The following ANK3 variants were observed in gnomAD, a reference collection of about 807,000 sequenced individuals.
The protein encoded by ANK3 is ankyrin-3.
Under a neutral mutation model 370.9 loss-of-function variants are expected in ANK3, and 57 were observed. That is an observed-to-expected ratio of 0.15 (90% CI 0.12 to 0.19). The LOEUF (loss-of-function observed/expected upper bound fraction) is 0.19, where lower values mean the gene tolerates loss of function less well. ANK3 is among the 10% of genes least tolerant of loss of function. The pLI, the probability that ANK3 is intolerant of heterozygous loss-of-function variation, is 1.00. For synonymous variants in ANK3, 1,929 were observed against 1,946.3 expected (o/e 0.99, Z 0.23); for missense variants, 4,439 against 5,302.1 (o/e 0.84, Z 5.06).
chr10:60,208,826 C>A (rs184954741), intron 9 of ANK3, among the ~76,000 whole-genome samples: 2 of 152,312 alleles, frequency 1.3e-5, no homozygotes, highest in African/African-American at 4.8e-5. Flanking sequence ...CATCTCACAT[C>A]AAAGAAGAAA....
At chr10:60,198,276 C>A in intron 14 of ANK3, 64 bp downstream of exon 14, 4 of 1,531,922 alleles carry the variant, frequency 2.6e-6, no homozygotes, top group Non-Finnish European at 3.6e-6. Context: ...TGTTACTATG[C>A]GGGGAAACGT....
In ANK3 at chr10:60,084,706, C is replaced by T. The variant is rs755265993; in HGVS notation, c.3970G>A (p.Val1324Ile). Residue 1324 changes from valine to isoleucine, a missense_variant, in exon 32 of 44, where the codon GTA becomes ATA. Physicochemically the swap from Val to Ile is conservative, Grantham distance 29 (BLOSUM62 3). Around this residue, in one of 13 missense-constraint regions of ANK3, gnomAD observed 702 missense variants for 941.5 expected, o/e 0.75. Transcript: ENST00000280772. ...CAGAAACATCGCAAGGAAGATTCTA[C>T]GGGATCATTCATTTTGGCAAAAACA... ...FVVFAKMNDPVESSLRCFCMT... is the reference protein window; with the variant it reads ...FVVFAKMNDPIESSLRCFCMT... 20 of 1,613,628 alleles carry T rather than the reference C, an allele frequency of 1.2e-5. No individual in the cohort carries two copies. Among genetic ancestry groups the T allele is most frequent in the African/African-American group, 1.1e-4 (8 of 74,900 alleles).
chr10:60,681,671 G>A lies in ANK3; in HGVS notation c.57+51592C>T, dbSNP rs192642294. On this transcript the variant is annotated intron_variant, in intron 1 of 43. Coordinates refer to the ANK3 transcript ENST00000373827. The stretch of plus-strand genomic sequence containing the variant: ...ATAGTATAGGTATCTCCAGTAAACC[G>A]TAAATTCCACAAAGACAGAGACAAG... 2.2e-4 allele frequency among the ~76,000 whole-genome samples: 33 copies of A among 152,290 alleles called. No homozygotes were observed. The East Asian group carries it at 4.1e-3, about 19-fold the overall frequency.
intron 25 of ANK3, among the ~76,000 whole-genome samples, chr10:60,116,962 C>T (rs12779035): frequency 0.21 from 31,382 of 152,016 alleles, 4,000 homozygotes; most frequent in South Asian, 0.29. Context: ...GGTCTATAAA[C>T]ATGGAGAGAA....
At chr10:60,415,897 T>C (rs534649128) in intron 2 of ANK3, among the ~76,000 whole-genome samples, 27 of 149,506 alleles carry the variant, frequency 1.8e-4, no homozygotes, top group African/African-American at 5.7e-4. Context: ...TTTTGGTTCA[T>C]TGTATGGTCT....
intron 1 of ANK3, among the ~76,000 whole-genome samples, chr10:60,724,781 C>T (rs1387024876): frequency 6.6e-6 from 1 of 152,188 alleles, no homozygotes; most frequent in Non-Finnish European, 1.5e-5. Flanking sequence ...AATTTTATTT[C>T]ACTTGGAACA....
intron 23 of ANK3, among the ~76,000 whole-genome samples, chr10:60,153,844 C>G (rs1395114103): frequency 6.6e-6 from 1 of 152,084 alleles, no homozygotes; most frequent in African/African-American, 2.4e-5. Flanking sequence ...TAAACATAGC[C>G]TAGGACTGTC....
intron 2 of ANK3, among the ~76,000 whole-genome samples, chr10:60,586,581 G>A (rs1405749311): frequency 1.3e-5 from 2 of 152,186 alleles, no homozygotes; most frequent in African/African-American, 4.8e-5. Context: ...TGACAGAAGA[G>A]CTGGTTTCTG....
intron 33 of ANK3, 85 bp downstream of exon 33, chr10:60,083,407 A>C (rs879933769): frequency 2.1e-6 from 3 of 1,431,766 alleles, no homozygotes; most frequent in Non-Finnish European, 1.9e-6. Context: ...TTTCAAATTA[A>C]ATAAATCATT....
chr10:60,709,827 C>CAAA lies in ANK3; in HGVS notation c.57+23433_57+23435dup, dbSNP rs370504421. Among the ~76,000 whole-genome samples the CAAA allele has an allele frequency of 1.3e-4, 9 of 71,508 alleles. No homozygotes were observed. The South Asian group carries it at 3.5e-3, about 27-fold the overall frequency. 46.9% of individuals were successfully genotyped at this position (71,508 alleles called of 152,430 possible). A position where few individuals can be genotyped will look rare whatever the true frequency, so the allele number is the denominator to read the frequency against. On this transcript the variant is annotated intron_variant, in intron 1 of 43. Transcript: ENST00000373827. ...TCACTGACAGAGTGAGACCCCATCT[C>CAAA]AAAAAAAAAAAAAAGAAAAGAAAAA...
At chr10:60,323,117 T>C (rs1174482423) in intron 1 of ANK3, among the ~76,000 whole-genome samples, 1 of 151,948 alleles carries the variant, frequency 6.6e-6, no homozygotes, top group Non-Finnish European at 1.5e-5. Context: ...TGAAGTGAGA[T>C]GGGTAAGAAA....
At position 60,583,511 on chromosome 10, in the gene ANK3, G is replaced by GTTTTTT. The variant is rs750384975; in HGVS notation, c.96+31669_96+31674dup. Among the ~76,000 whole-genome samples the GTTTTTT allele has an allele frequency of 1.9e-4, 19 of 100,072 alleles. 4 individuals are homozygous for GTTTTTT. Among genetic ancestry groups the GTTTTTT allele is most frequent in the Non-Finnish European group, 2.8e-4 (13 of 45,924 alleles). 65.7% of individuals were successfully genotyped at this position (100,072 alleles called of 152,430 possible). On this transcript the variant is annotated intron_variant, in intron 2 of 43. Coordinates refer to the ANK3 transcript ENST00000373827. ...CATATAGCTTACAGAGAGGTTTTTT[G>GTTTTTT]TTTTTTGTTTTTTGTTTTTTTTTGA...
intron 2 of ANK3, among the ~76,000 whole-genome samples, chr10:60,605,335 A>G (rs1209965074): frequency 6.6e-6 from 1 of 152,068 alleles, no homozygotes; most frequent in East Asian, 1.9e-4. Flanking sequence ...TCACACCTGT[A>G]AATCCCAGTA....
intron 7 of ANK3, among the ~76,000 whole-genome samples, chr10:60,238,091 T>C (rs1467503319): frequency 2.6e-5 from 4 of 152,198 alleles, no homozygotes; most frequent in African/African-American, 9.7e-5. Context: ...AATCATATCG[T>C]AGATGCCTCT....
intron 1 of ANK3, among the ~76,000 whole-genome samples, chr10:60,332,342 GAC>G (rs1452841406): frequency 6.6e-6 from 1 of 152,130 alleles, no homozygotes; most frequent in Non-Finnish European, 1.5e-5. Context: ...AAGAAAATAG[GAC>G]ACAATTTCTT....
At chr10:60,554,996 A>G (rs1290150345) in intron 2 of ANK3, among the ~76,000 whole-genome samples, 3 of 152,180 alleles carry the variant, frequency 2.0e-5, no homozygotes, top group Non-Finnish European at 4.4e-5. Flanking sequence ...CAGCTTTGTA[A>G]TTCTTTTGTT....
intron 2 of ANK3, among the ~76,000 whole-genome samples, chr10:60,446,952 T>C (rs2064464640): frequency 6.6e-6 from 1 of 152,206 alleles, no homozygotes; most frequent in Admixed American, 6.5e-5. Context: ...GTCTTGTATG[T>C]AAGAAGTACT....
At chr10:60,140,734 T>G in intron 23 of ANK3, 1 of 1,141,528 alleles carries the variant, frequency 8.8e-7, no homozygotes, top group South Asian at 3.2e-5. Flanking sequence ...AATGGTGACA[T>G]AAATGCAAGC....
chr10:60,360,952 T>C (rs966978115), intron 1 of ANK3, among the ~76,000 whole-genome samples: 4 of 152,124 alleles, frequency 2.6e-5, no homozygotes, highest in African/African-American at 9.7e-5. Flanking sequence ...CTAAGAAAGA[T>C]TGGTGAAAAT....
Sources: allele counts gnomAD v4.1 joint callset (sites outside exome capture counted in the v4.1 genomes callset), GRCh38; gene constraint gnomAD v4.1.1; regional missense constraint gnomAD v4.1.1; transcripts MANE v1.5; gene names NCBI Gene and HGNC (gene_info 2026-07-23, HGNC 2026-07-21).